The following ATM variants were observed in gnomAD, a reference collection of about 807,000 sequenced individuals.
ATM encodes the protein serine-protein kinase ATM.
Under a neutral mutation model 387.0 loss-of-function variants are expected in ATM, and 308 were observed. The ratio of observed to expected loss-of-function variants is 0.80; its 90% CI spans 0.73 to 0.87. The LOEUF (loss-of-function observed/expected upper bound fraction) is 0.87, where lower values mean the gene tolerates loss of function less well. ATM is among the 40% of genes least tolerant of loss of function. The pLI is 0.00. For synonymous variants in ATM, 1,156 were observed against 1,187.3 expected, an observed-to-expected ratio of 0.97 and a Z score of 0.54; for missense variants, 3,312 against 3,560.9, an observed-to-expected ratio of 0.93 and a Z score of 1.78.
chr11:108,268,746 T>G (rs1376570892), intron 18 of ATM, 137 bp downstream of exon 18: 1 of 961,362 alleles, frequency 1.0e-6, no homozygotes, highest in African/African-American at 1.6e-5. Flanking sequence ...CTGAGACTAG[T>G]TGGAAAATAA....
At chr11:108,226,727 A>T (rs1474268084) in intron 1 of ATM, 1 of 151,472 alleles carries the variant, frequency 6.6e-6, no homozygotes, top group Non-Finnish European at 1.5e-5. Context: ...TTTTTCTTTG[A>T]GACGGAGTCT....
rs878853487 is a variant in ATM, at chr11:108,251,930, T to C, written c.1701T>C (p.Asn567=). 6.2e-7 allele frequency: 1 copy of C among 1,613,904 alleles called. No homozygotes were observed. The change falls in exon 11 of 63, where the codon AAT becomes AAC. Residue 567 remains asparagine, a synonymous_variant. Coordinates refer to ENST00000675843, the MANE Select transcript of ATM (RefSeq NM_000051.4). ...MGIEQNMCEV[N]RSFSLKESIM... is the part of the protein sequence containing the mutation. ...TAGAGCAAAATATGTGTGAAGTAAA[T>C]AGAAGCTTTTCTTTAAAGGAATCAA...
chr11:108,293,894 A>AAAATAT (rs1491178678), intron 31 of ATM, among the ~76,000 whole-genome samples: 116 of 83,658 alleles, frequency 1.4e-3, no homozygotes, highest in African/African-American at 4.7e-3. Context: ...AAAAAAAAAA[A>AAAATAT]ATATATATAT....
rs577608374 is a variant in ATM at position 108,274,686 on chromosome 11, A to C, written c.3284+1834A>C. Among the ~76,000 whole-genome samples, 9 of 152,270 alleles carry C rather than the reference A, an allele frequency of 5.9e-5. No homozygotes were observed. In the South Asian group the frequency reaches 1.9e-3, roughly 32 times the overall value. On this transcript the variant is annotated intron_variant, in intron 22 of 62. Transcript: ENST00000675843. ...CCATGTAGTTGTGTGGTTTTGAGTG[A>C]GTTTCTTAATCCTCAGTTCTAATTT...
intron 33 of ATM, among the ~76,000 whole-genome samples, chr11:108,298,390 C>G (rs766307426): frequency 6.6e-6 from 1 of 152,092 alleles, no homozygotes; most frequent in Non-Finnish European, 1.5e-5. Context: ...GTATACAGAT[C>G]AAAAATATCT....
rs117970082 is a variant in ATM, at chr11:108,354,150, G to A, written c.8786+270G>A. Among the ~76,000 whole-genome samples, 7,172 of 150,962 alleles carry A rather than the reference G, an allele frequency of 0.048. 223 individuals are homozygous for A. The highest frequency in any genetic ancestry group is 0.071 in the Non-Finnish European group (4,788 of 67,832). On this transcript the variant is annotated intron_variant, in intron 60 of 62. Transcript: ENST00000675843. ...GATTATAGAATTTAGTGCTAGAATC[G>A]TATTCCAGTGCCTTATCAATACTAA...
intron 22 of ATM, among the ~76,000 whole-genome samples, chr11:108,276,593 T>G (rs1379151819): frequency 4.6e-5 from 7 of 152,208 alleles, no homozygotes; most frequent in Non-Finnish European, 5.9e-5. Context: ...TTTTTGTTTG[T>G]TAGTTTTCCT....
intron 45 of ATM, among the ~76,000 whole-genome samples, chr11:108,324,537 T>C (rs994609873): frequency 1.3e-5 from 2 of 152,092 alleles, no homozygotes; most frequent in African/African-American, 4.8e-5. Context: ...CGCAAAAAGT[T>C]TGAGACCTGC....
intron 59 of ATM, among the ~76,000 whole-genome samples, chr11:108,351,500 T>C (rs1256149289): frequency 6.6e-6 from 1 of 152,248 alleles, no homozygotes; most frequent in Admixed American, 6.5e-5. Flanking sequence ...TGGACAGTTT[T>C]CACTTAGGAT....
intron 9 of ATM, among the ~76,000 whole-genome samples, chr11:108,249,830 A>G (rs183252111): frequency 8.3e-4 from 127 of 152,292 alleles, no homozygotes; most frequent in Non-Finnish European, 1.7e-3. Flanking sequence ...TTAGATACCT[A>G]TTGCTTAAGC....
chr11:108,336,131 G>T, intron 56 of ATM, 170 bp downstream of exon 56: 7 of 506,044 alleles, frequency 1.4e-5, no homozygotes, highest in Admixed American at 3.4e-5. Flanking sequence ...ACCCCATCTT[G>T]ACAAAAAGTT....
intron 43 of ATM, 94 bp downstream of exon 43, chr11:108,317,615 T>TTTTATATA (rs1225638961): frequency 4.7e-6 from 1 of 211,244 alleles, no homozygotes; most frequent in East Asian, 1.4e-4. Flanking sequence ...AGGAGTTGTT[T>TTTTATATA]TATATATATA....
rs755213267 is a variant in ATM, at chr11:108,227,623, C to T, written c.-2C>T. ...GTGATGTGTGTTCTGAAATTGTGAA[C>T]CATGAGTCTAGTACTTAATGATCTG... On this transcript the variant is annotated 5_prime_UTR_variant, in exon 2 of 63. Transcript: ENST00000675843. 1.2e-6 allele frequency: 2 copies of T among 1,613,178 alleles called. No individual in the cohort carries two copies. Among genetic ancestry groups the T allele is most frequent in the East Asian group, 2.2e-5 (1 of 44,780 alleles).
chr11:108,258,959 T>G, intron 15 of ATM, 27 bp from the exon 16 acceptor site: 1 of 1,565,478 alleles, frequency 6.4e-7, no homozygotes, highest in Non-Finnish European at 8.8e-7. Context: ...TCTTTGTTGC[T>G]TGGTTCTTTG....
intron 22 of ATM, among the ~76,000 whole-genome samples, chr11:108,279,099 A>G (rs185716074): frequency 6.6e-6 from 1 of 152,344 alleles, no homozygotes; most frequent in East Asian, 1.9e-4. Context: ...AAAAACATTA[A>G]CTTACCCGCT....
At chr11:108,335,557 G>T (rs892406191) in intron 55 of ATM, among the ~76,000 whole-genome samples, 1 of 152,176 alleles carries the variant, frequency 6.6e-6, no homozygotes, top group Non-Finnish European at 1.5e-5. Flanking sequence ...GGGAGTGGTG[G>T]AAAGACACAG....
intron 59 of ATM, among the ~76,000 whole-genome samples, chr11:108,350,570 C>T (rs2089067201): frequency 6.6e-6 from 1 of 152,128 alleles, no homozygotes; most frequent in South Asian, 2.1e-4. Flanking sequence ...ATATGGTTTT[C>T]CCCAGAATGA....
rs550969276 is a variant in ATM, at chr11:108,223,276, C to T, written c.-31+90C>T. On this transcript the variant is annotated intron_variant, in intron 1 of 62. Transcript: ENST00000675843. ...TGTCCTCTCCCCAGACCGCCAATCT[C>T]ATGCACCCCTCCAGAGTGGCCCTTG... is the stretch of plus-strand genomic sequence containing the variant. The T allele has an allele frequency of 2.6e-5, 4 of 156,264 alleles. No individual in the cohort carries two copies. The East Asian group carries it at 5.8e-4, about 22-fold the overall frequency. The allele number at this position is 156,264 out of a possible 1,614,324, so 9.7% of individuals were successfully genotyped here.
intron 50 of ATM, 68 bp downstream of exon 50, chr11:108,330,489 A>G: frequency 1.3e-6 from 2 of 1,487,316 alleles, no homozygotes; most frequent in Non-Finnish European, 1.9e-6. Context: ...CCTTGATGTC[A>G]GGAATCGTGT....
Sources: gnomAD v4.1 joint callset for allele counts (sites outside exome capture counted in the v4.1 genomes callset) on GRCh38, gnomAD v4.1.1 for gene constraint, MANE v1.5 for transcripts, NCBI Gene and HGNC (gene_info 2026-07-23, HGNC 2026-07-21) for gene names.